Variants in PTH2R observed in about 807,000 individuals in gnomAD.
The protein encoded by PTH2R is PTH2 receptor.
PTH2R carries 59 observed loss-of-function variants against 60.3 expected under a neutral mutation model. The observed-to-expected ratio is 0.98, with a 90% CI of 0.79 to 1.22. The LOEUF is 1.22. PTH2R is among the 50% of genes most tolerant of loss of function. The pLI is 0.00. For synonymous variants in PTH2R, 256 were observed against 243.8 expected, an observed-to-expected ratio of 1.05 and a Z score of -0.47; for missense variants, 749 against 682.6, an observed-to-expected ratio of 1.10 and a Z score of -1.08.
intron 9 of PTH2R, among the ~76,000 whole-genome samples, chr2:208,467,539 A>G (rs1024090935): frequency 1.3e-5 from 2 of 152,182 alleles, no homozygotes; most frequent in Non-Finnish European, 2.9e-5. Context: ...TTCTCAAGTA[A>G]AAGGGACTTG....
chr2:208,413,521 C>T (rs889453021), intron 1 of PTH2R, among the ~76,000 whole-genome samples: 3 of 152,078 alleles, frequency 2.0e-5, no homozygotes, highest in African/African-American at 7.2e-5. Context: ...GGAATTTGAG[C>T]TCTGTTATGA....
chr2:208,463,691 T>G (rs1266009832), intron 9 of PTH2R, among the ~76,000 whole-genome samples: 3 of 152,222 alleles, frequency 2.0e-5, no homozygotes, highest in Admixed American at 6.5e-5. Flanking sequence ...GGTAGATTTC[T>G]CCTACTCCCT....
intron 4 of PTH2R, among the ~76,000 whole-genome samples, chr2:208,440,272 A>G (rs1430601218): frequency 4.6e-5 from 7 of 152,134 alleles, no homozygotes; most frequent in African/African-American, 1.7e-4. Flanking sequence ...CATAACAATA[A>G]CAACTTCAAG....
intron 7 of PTH2R, among the ~76,000 whole-genome samples, chr2:208,448,248 A>G (rs1402008090): frequency 4.0e-5 from 6 of 151,890 alleles, no homozygotes; most frequent in Non-Finnish European, 8.8e-5. Flanking sequence ...AGATGCATGC[A>G]CTCTGACCCT....
intron 9 of PTH2R, among the ~76,000 whole-genome samples, chr2:208,462,269 T>G (rs1033829143): frequency 5.9e-5 from 9 of 152,070 alleles, no homozygotes; most frequent in African/African-American, 2.2e-4. Context: ...GGAGAAAAAC[T>G]AAAAAAGCAA....
chr2:208,418,408 A>G (rs1449832858), intron 1 of PTH2R, among the ~76,000 whole-genome samples: 1 of 151,896 alleles, frequency 6.6e-6, no homozygotes, highest in African/African-American at 2.4e-5. Flanking sequence ...TTTATTAGTG[A>G]GTATAAATGA....
At chr2:208,418,654 A>G (rs980910059) in intron 1 of PTH2R, among the ~76,000 whole-genome samples, 1 of 152,154 alleles carries the variant, frequency 6.6e-6, no homozygotes, top group African/African-American at 2.4e-5. Context: ...ATTCCACTTA[A>G]AGGGAGAAAT....
At chr2:208,491,004 G>A (rs113306646) in intron 12 of PTH2R, among the ~76,000 whole-genome samples, 6 of 152,182 alleles carry the variant, frequency 3.9e-5, no homozygotes, top group African/African-American at 1.4e-4. Flanking sequence ...TTTAAGTTCT[G>A]TACAAAACTT....
chr2:208,365,961 T>TATATATATATA (rs1491452832), intron 1 of PTH2R, among the ~76,000 whole-genome samples: 27 of 11,028 alleles, frequency 2.4e-3, no homozygotes, highest in Non-Finnish European at 2.6e-3. Flanking sequence ...TATATATATA[T>TATATATATATA]TTTTTTTTTT....
chr2:208,440,630 G>T (rs1702163485), intron 4 of PTH2R, among the ~76,000 whole-genome samples: 1 of 152,172 alleles, frequency 6.6e-6, no homozygotes, highest in African/African-American at 2.4e-5. Flanking sequence ...ACCCATGGCT[G>T]CGTGTATCCC....
chr2:208,449,621 T>A (rs1218797174), intron 7 of PTH2R, among the ~76,000 whole-genome samples: 1 of 152,108 alleles, frequency 6.6e-6, no homozygotes, highest in East Asian at 1.9e-4. Flanking sequence ...ATCATAAAAT[T>A]CAGTAGTGAT....
intron 9 of PTH2R, among the ~76,000 whole-genome samples, chr2:208,478,104 TC>T (rs770537359): frequency 2.6e-5 from 4 of 152,058 alleles, no homozygotes; most frequent in Non-Finnish European, 5.9e-5. Context: ...ACTCAAGTCT[TC>T]CTTTAGTGCA....
chr2:208,461,729 G>A (rs1702638471), intron 9 of PTH2R, among the ~76,000 whole-genome samples: 1 of 152,160 alleles, frequency 6.6e-6, no homozygotes, highest in South Asian at 2.1e-4. Context: ...ATTTTCCATG[G>A]AAATGACTGA....
At chr2:208,408,885 A>G (rs1415338026) in intron 1 of PTH2R, among the ~76,000 whole-genome samples, 3 of 152,124 alleles carry the variant, frequency 2.0e-5, no homozygotes, top group Non-Finnish European at 4.4e-5. Flanking sequence ...CAACCTTGGC[A>G]TTGTTGACAT....
chr2:208,458,490 G>A (rs1344742452), intron 8 of PTH2R, among the ~76,000 whole-genome samples: 1 of 152,076 alleles, frequency 6.6e-6, no homozygotes, highest in Non-Finnish European at 1.5e-5. Flanking sequence ...GTGAAAGTTT[G>A]TTCCGTAGAT....
At chr2:208,491,177 G>A (rs1156959976) in intron 12 of PTH2R, among the ~76,000 whole-genome samples, 1 of 152,078 alleles carries the variant, frequency 6.6e-6, no homozygotes, top group Non-Finnish European at 1.5e-5. Flanking sequence ...CCTGCTGTTG[G>A]ATGAGCTGCC....
intron 12 of PTH2R, among the ~76,000 whole-genome samples, chr2:208,492,633 G>C (rs1703429613): frequency 6.6e-6 from 1 of 152,148 alleles, no homozygotes; most frequent in Non-Finnish European, 1.5e-5. Context: ...GTCCTTGAGA[G>C]AGATGCTTCT....
At chr2:208,417,825 A>C (rs1248581544) in intron 1 of PTH2R, among the ~76,000 whole-genome samples, 1 of 152,148 alleles carries the variant, frequency 6.6e-6, no homozygotes, top group Non-Finnish European at 1.5e-5. Flanking sequence ...AGTCAGCCAT[A>C]TCTTGAGGGG....
At chr2:208,397,491 GAC>G (rs1194742662) in intron 1 of PTH2R, among the ~76,000 whole-genome samples, 1 of 152,148 alleles carries the variant, frequency 6.6e-6, no homozygotes, top group Non-Finnish European at 1.5e-5. Context: ...AAACGACACA[GAC>G]ACATGTGGAG....
Sources: allele counts gnomAD v4.1 joint callset (sites outside exome capture counted in the v4.1 genomes callset), GRCh38; gene constraint gnomAD v4.1.1; transcripts MANE v1.5; gene names NCBI Gene and HGNC (gene_info 2026-07-23, HGNC 2026-07-21).